Variants in SIL1 observed in about 807,000 individuals in gnomAD.
SIL1 encodes nucleotide exchange factor SIL1.
Under a neutral mutation model 49.1 loss-of-function variants are expected in SIL1, and 40 were observed. That is an observed-to-expected ratio of 0.81 (90% CI 0.63 to 1.06). The LOEUF is 1.06. Among genes scored for constraint, SIL1 ranks in the 50% least tolerant of loss-of-function variants. The pLI is 0.00. For missense variants in SIL1, 500 were observed against 572.6 expected (o/e 0.87, Z 1.29); for synonymous variants, 253 against 250.8 (o/e 1.01, Z -0.08).
intron 1 of SIL1, among the ~76,000 whole-genome samples, chr5:139,192,552 T>C (rs571223055): frequency 6.6e-6 from 1 of 152,294 alleles, no homozygotes; most frequent in East Asian, 1.9e-4. Context: ...AACATCAGAC[T>C]CTTCCCAAAG....
intron 7 of SIL1, among the ~76,000 whole-genome samples, chr5:139,005,515 A>C: frequency 7.0e-6 from 1 of 141,860 alleles, no homozygotes; most frequent in Admixed American, 7.0e-5. Flanking sequence ...GGTTAGTTAC[A>C]TATGTATACA....
chr5:139,009,155 G>A (rs966594618), intron 7 of SIL1, among the ~76,000 whole-genome samples: 14 of 150,554 alleles, frequency 9.3e-5, no homozygotes, highest in African/African-American at 3.2e-4. Flanking sequence ...CCTGTATTGG[G>A]TGCATATATA....
intron 3 of SIL1, among the ~76,000 whole-genome samples, chr5:139,071,745 G>A (rs1262971666): frequency 6.9e-6 from 1 of 144,722 alleles, no homozygotes; most frequent in African/African-American, 2.6e-5. Flanking sequence ...TCAGCTCACT[G>A]CAACCTCCAC....
At chr5:139,021,771 G>T (rs1391026008) in intron 6 of SIL1, 2 of 207,128 alleles carry the variant, frequency 9.7e-6, no homozygotes, top group Admixed American at 5.3e-5. Flanking sequence ...TGGGAGGGGG[G>T]TTGCCGTAAG....
At chr5:139,076,288 A>G in intron 3 of SIL1, among the ~76,000 whole-genome samples, 1 of 152,210 alleles carries the variant, frequency 6.6e-6, no homozygotes. Context: ...AAACCTGTCA[A>G]CTTAAATTAT....
At chr5:139,163,060 T>C (rs1422019302) in intron 1 of SIL1, among the ~76,000 whole-genome samples, 3 of 151,728 alleles carry the variant, frequency 2.0e-5, no homozygotes, top group African/African-American at 7.3e-5. Context: ...AGTAAGTTAC[T>C]GTGTCCAGAA....
In SIL1 at chr5:138,992,515, C is replaced by A. The variant is rs113499085; in HGVS notation, c.767+28656G>T. ...AGCAGGCTCCTTTTCCACAGCCAGC[C>A]TTTCTCATATCCACAGCATACCTGG... On this transcript the variant is annotated intron_variant, in intron 7 of 9. Transcript: ENST00000394817. 7.0e-4 allele frequency among the ~76,000 whole-genome samples: 107 copies of A among 152,310 alleles called. 2 individuals carry two copies. The highest frequency in any genetic ancestry group is 2.4e-3 in the African/African-American group (100 of 41,554).
At chr5:139,054,339 G>A (rs1769357474) in intron 3 of SIL1, among the ~76,000 whole-genome samples, 1 of 152,248 alleles carries the variant, frequency 6.6e-6, no homozygotes, top group Non-Finnish European at 1.5e-5. Context: ...GAGCTCAGGA[G>A]TTCAAGGCAG....
At chr5:138,997,720 G>A (rs1767901565) in intron 7 of SIL1, among the ~76,000 whole-genome samples, 1 of 152,126 alleles carries the variant, frequency 6.6e-6, no homozygotes, top group Admixed American at 6.6e-5. Flanking sequence ...CACTATGCCT[G>A]GCTAATTTTT....
At chr5:139,119,930 G>A (rs1400947148) in intron 3 of SIL1, among the ~76,000 whole-genome samples, 1 of 152,198 alleles carries the variant, frequency 6.6e-6, no homozygotes, top group Non-Finnish European at 1.5e-5. Context: ...GCAGGCAGAG[G>A]TTGGATCTGC....
chr5:138,978,446 G>T (rs1220578392), intron 7 of SIL1, among the ~76,000 whole-genome samples: 2 of 152,182 alleles, frequency 1.3e-5, no homozygotes, highest in Non-Finnish European at 2.9e-5. Context: ...TCAGTCAACA[G>T]ATACTTGGGT....
intron 7 of SIL1, among the ~76,000 whole-genome samples, chr5:139,015,827 G>C (rs1195772869): frequency 2.0e-5 from 3 of 152,230 alleles, no homozygotes; most frequent in African/African-American, 7.2e-5. Flanking sequence ...GGATTTCCAT[G>C]TTTGCTTTAG....
At chr5:139,015,216 T>C (rs1333426456) in intron 7 of SIL1, among the ~76,000 whole-genome samples, 1 of 152,124 alleles carries the variant, frequency 6.6e-6, no homozygotes, top group African/African-American at 2.4e-5. Flanking sequence ...GACAGCAGAA[T>C]AAAGATAGAA....
At chr5:139,021,776 C>A in intron 6 of SIL1, 1 of 193,976 alleles carries the variant, frequency 5.2e-6, no homozygotes, top group South Asian at 9.7e-5. Context: ...GGGGGGTTGC[C>A]GTAAGAGTGC....
intron 5 of SIL1, among the ~76,000 whole-genome samples, chr5:139,040,027 C>T (rs1339886953): frequency 6.6e-6 from 1 of 151,114 alleles, no homozygotes; most frequent in Non-Finnish European, 1.5e-5. Flanking sequence ...TCCCAAAAAC[C>T]CACTCATTTA....
intron 1 of SIL1, among the ~76,000 whole-genome samples, chr5:139,143,779 T>G (rs1030130434): frequency 6.6e-6 from 1 of 152,286 alleles, no homozygotes; most frequent in African/African-American, 2.4e-5. Context: ...ATCAGTTGTA[T>G]TTCTATATCC....
At chr5:139,124,244 G>C (rs1231549746) in intron 2 of SIL1, among the ~76,000 whole-genome samples, 2 of 152,122 alleles carry the variant, frequency 1.3e-5, no homozygotes, top group Non-Finnish European at 2.9e-5. Context: ...TCTTTTTCTA[G>C]ATTTCATTAA....
chr5:139,155,380 CA>C (rs1751384946), intron 1 of SIL1: 1 of 151,516 alleles, frequency 6.6e-6, no homozygotes, highest in Non-Finnish European at 1.5e-5. Flanking sequence ...TCTTAGCTTG[CA>C]GATGGCTGCC....
At chr5:139,168,548 TG>T (rs1751670480) in intron 1 of SIL1, among the ~76,000 whole-genome samples, 1 of 152,148 alleles carries the variant, frequency 6.6e-6, no homozygotes, top group Non-Finnish European at 1.5e-5. Flanking sequence ...AGATTGTTGT[TG>T]CTCCTCCCAG....
Sources: gnomAD v4.1 joint callset for allele counts (sites outside exome capture counted in the v4.1 genomes callset) on GRCh38, gnomAD v4.1.1 for gene constraint, MANE v1.5 for transcripts, NCBI Gene and HGNC (gene_info 2026-07-23, HGNC 2026-07-21) for gene names.